PRDM16: variants seen among roughly 807,000 people sequenced by gnomAD.
PRDM16 encodes the protein histone-lysine N-methyltransferase PRDM16.
Under a neutral mutation model 110.6 loss-of-function variants are expected in PRDM16, and 23 were observed. That is an observed-to-expected ratio of 0.21 (90% CI 0.15 to 0.29). The LOEUF (loss-of-function observed/expected upper bound fraction) is 0.29. PRDM16 is among the 10% of genes least tolerant of loss of function. The probability of loss-of-function intolerance (pLI) is 1.00; values close to 1 mark genes in which losing one functional copy is unlikely to be tolerated. For missense variants in PRDM16, 1,615 were observed against 1,794.3 expected (o/e 0.90, Z 1.81); for synonymous variants, 799 against 781.8 (o/e 1.02, Z -0.37).
rs554728086 is a variant in PRDM16 at position 3,378,090 on chromosome 1, G to A, written c.439-7062G>A. 1.5e-4 allele frequency among the ~76,000 whole-genome samples: 23 copies of A among 152,334 alleles called. No individual in the cohort carries two copies. In the South Asian group the frequency reaches 3.9e-3, roughly 26 times the overall value. ...GCGCCCTAGGGCAGGCGGAGACATC[G>A]CCTTTGGCACAGATCCTTGGCGCTG... is the stretch of plus-strand genomic sequence containing the variant. On this transcript the variant is annotated intron_variant, in intron 3 of 16. Transcript: ENST00000270722.
intron 1 of PRDM16, among the ~76,000 whole-genome samples, chr1:3,107,966 A>T (rs1481718651): frequency 6.6e-6 from 1 of 152,258 alleles, no homozygotes; most frequent in Non-Finnish European, 1.5e-5. Context: ...GTCAGGGAAT[A>T]GCAAGGCAGC....
chr1:3,322,450 G>T lies in PRDM16; in HGVS notation c.439-62702G>T, dbSNP rs1641781385. ...CCCCTCAGTTCCAGCTCCAGCTCCT[G>T]GGCCTCGGGAATGAACCAGTGAGTG... On this transcript the variant is annotated intron_variant, in intron 3 of 16. Coordinates refer to ENST00000270722, the MANE Select transcript of PRDM16 (RefSeq NM_022114.4). Among the ~76,000 whole-genome samples, 3 of 152,260 alleles carry T rather than the reference G, an allele frequency of 2.0e-5. No homozygotes were observed. In the South Asian group the frequency reaches 6.2e-4, roughly 32 times the overall value.
chr1:3,320,313 G>T (rs1218753930), intron 3 of PRDM16, among the ~76,000 whole-genome samples: 1 of 152,206 alleles, frequency 6.6e-6, no homozygotes, highest in East Asian at 1.9e-4. Context: ...CTCAAGAGTA[G>T]ATGTGTGTGT....
chr1:3,145,868 C>T (rs942389694), intron 1 of PRDM16, among the ~76,000 whole-genome samples: 24 of 152,312 alleles, frequency 1.6e-4, no homozygotes, highest in South Asian at 4.1e-4. Flanking sequence ...GACTCTGTAT[C>T]GCCCCAGCAG....
chr1:3,396,580 G>T lies in PRDM16; in HGVS notation c.663G>T (p.Pro221=), dbSNP rs780898226. Residue 221 remains proline, a synonymous_variant, in exon 5 of 17, where the codon CCG becomes CCT. Coordinates refer to ENST00000270722, the MANE Select transcript of PRDM16 (RefSeq NM_022114.4). ...KEGVYPLGTV[P]PGLDEEPTFR... ...GCGTCTACCCCCTGGGCACAGTGCCGCCCGGCCTGGACGGTAAGACCCCTC... is the reference window on the plus strand; with the variant it reads ...GCGTCTACCCCCTGGGCACAGTGCCTCCCGGCCTGGACGGTAAGACCCCTC... 3 of 1,580,636 alleles carry T rather than the reference G, an allele frequency of 1.9e-6. No individual in the cohort carries two copies. The Admixed American group carries it at 5.3e-5, about 28-fold the overall frequency.
intron 3 of PRDM16, among the ~76,000 whole-genome samples, chr1:3,322,719 G>A (rs911230850): frequency 6.6e-6 from 1 of 152,146 alleles, no homozygotes; most frequent in Non-Finnish European, 1.5e-5. Context: ...GAGGCGCAGC[G>A]ACCCGTCACC....
At chr1:3,195,910 C>T (rs1638461858) in intron 2 of PRDM16, among the ~76,000 whole-genome samples, 1 of 152,234 alleles carries the variant, frequency 6.6e-6, no homozygotes, top group South Asian at 2.1e-4. Context: ...CTGGTGGGCA[C>T]CTGCCGTGTG....
chr1:3,256,952 C>G (rs941045663), intron 3 of PRDM16, among the ~76,000 whole-genome samples: 2 of 152,166 alleles, frequency 1.3e-5, no homozygotes, highest in African/African-American at 4.8e-5. Context: ...TAAGGACACA[C>G]GTGTCTGAAA....
intron 4 of PRDM16, among the ~76,000 whole-genome samples, chr1:3,395,976 G>A (rs1643379500): frequency 6.6e-6 from 1 of 152,204 alleles, no homozygotes; most frequent in Non-Finnish European, 1.5e-5. Flanking sequence ...CAGCCTTCCT[G>A]GCTCATGGCA....
chr1:3,195,206 C>T (rs963390890), intron 2 of PRDM16, among the ~76,000 whole-genome samples: 8 of 152,290 alleles, frequency 5.3e-5, no homozygotes, highest in South Asian at 2.1e-4. Context: ...GGCGTTGCTC[C>T]GGGAGAAGCC....
chr1:3,136,294 G>A (rs892744507), intron 1 of PRDM16, among the ~76,000 whole-genome samples: 1 of 152,224 alleles, frequency 6.6e-6, no homozygotes, highest in African/African-American at 2.4e-5. Context: ...CGGGGTCTCG[G>A]CGAGGCACGC....
intron 12 of PRDM16, among the ~76,000 whole-genome samples, chr1:3,420,772 G>A (rs989937191): frequency 3.3e-5 from 5 of 152,084 alleles, no homozygotes; most frequent in Non-Finnish European, 7.3e-5. Context: ...AAGCATATAG[G>A]CTTTGCGGGA....
At chr1:3,231,160 A>T (rs1168938829) in intron 2 of PRDM16, among the ~76,000 whole-genome samples, 1 of 152,158 alleles carries the variant, frequency 6.6e-6, no homozygotes, top group Non-Finnish European at 1.5e-5. Flanking sequence ...TCCGTCCCAT[A>T]CACGTTTTTG....
At chr1:3,146,222 C>G (rs986276733) in intron 1 of PRDM16, among the ~76,000 whole-genome samples, 2 of 152,146 alleles carry the variant, frequency 1.3e-5, no homozygotes, top group Admixed American at 1.3e-4. Context: ...AGGGTGGAAA[C>G]GGGGGGGCCC....
At chr1:3,296,975 G>T (rs1211931887) in intron 3 of PRDM16, among the ~76,000 whole-genome samples, 6 of 152,176 alleles carry the variant, frequency 3.9e-5, no homozygotes, top group Admixed American at 3.9e-4. Context: ...CTAACACAAA[G>T]CCTATTTCAG....
rs961677560 is a variant in PRDM16 at position 3,425,398 on chromosome 1, C to T, written c.2940-183C>T. 1 of 596,892 alleles carries T rather than the reference C, an allele frequency of 1.7e-6. No homozygotes were observed. 37.0% of individuals were successfully genotyped at this position (596,892 alleles called of 1,614,324 possible). A position where few individuals can be genotyped will look rare whatever the true frequency, so the allele number is the denominator to read the frequency against. On this transcript the variant is annotated intron_variant, in intron 12 of 16. Coordinates refer to ENST00000270722, the MANE Select transcript of PRDM16 (RefSeq NM_022114.4). This position sits in a 1 kb window ranked among gnomAD's most constrained non-coding sequence, Gnocchi z 6.9. ...TTGAAGCCGGGGCTGTTTCTAGGGACAGCTTCCCCAGGATGCCTTTGGCTC... is the reference window on the plus strand; with the variant it reads ...TTGAAGCCGGGGCTGTTTCTAGGGATAGCTTCCCCAGGATGCCTTTGGCTC...
At position 3,186,440 on chromosome 1, in the gene PRDM16, G is replaced by A. The variant is rs538278091; in HGVS notation, c.353G>A (p.Arg118Gln). ...CTGGGCCCCTGCGTGGTGGTGCCCC[G>A]GGCGGCGGCAAAGGAGACAGACTTC... ...ERLGPCVVVP[R>Q]AAAKETDFGW... Residue 118 changes from arginine to glutamine, a missense_variant, in exon 2 of 17, where the codon CGG becomes CAG. By Grantham distance (43) the Arg-to-Gln change is conservative. Around this residue, in one of 5 missense-constraint regions of PRDM16, gnomAD observed 416 missense variants for 467.1 expected, o/e 0.89. Transcript: ENST00000270722. The A allele has an allele frequency of 7.5e-5, 117 of 1,555,372 alleles. No homozygotes were observed. In the Middle Eastern group the frequency reaches 1.0e-3, roughly 14 times the overall value.
At chr1:3,405,176 G>T (rs1643539339) in intron 7 of PRDM16, among the ~76,000 whole-genome samples, 1 of 152,278 alleles carries the variant, frequency 6.6e-6, no homozygotes, top group South Asian at 2.1e-4. Flanking sequence ...GGCTGGCGGG[G>T]CTGAGCCGAG....
At chr1:3,166,223 A>T (rs1233437753) in intron 1 of PRDM16, among the ~76,000 whole-genome samples, 1 of 152,256 alleles carries the variant, frequency 6.6e-6, no homozygotes, top group African/African-American at 2.4e-5. Context: ...AATCAAATGG[A>T]TGCAAGCAAA....
Sources: allele counts gnomAD v4.1 joint callset (sites outside exome capture counted in the v4.1 genomes callset), GRCh38; gene constraint gnomAD v4.1.1; regional missense constraint gnomAD v4.1.1; non-coding constraint Gnocchi (gnomAD v3.1); transcripts MANE v1.5; gene names NCBI Gene and HGNC (gene_info 2026-07-23, HGNC 2026-07-21).